Variants in EZH2 observed in about 807,000 individuals in gnomAD.
EZH2 encodes enhancer of zeste 2 polycomb repressive complex 2 subunit.
In EZH2, 18 loss-of-function variants were observed where a neutral mutation model predicts 98.4. That is an observed-to-expected ratio of 0.18 (90% CI 0.13 to 0.27). The LOEUF (loss-of-function observed/expected upper bound fraction) is 0.27, where lower values mean the gene tolerates loss of function less well. Ranked by LOEUF, EZH2 falls within the 10% of genes least tolerant of loss-of-function variation. The pLI is 1.00. For synonymous variants in EZH2, 338 were observed against 312.3 expected, an observed-to-expected ratio of 1.08 and a Z score of -0.87; for missense variants, 470 against 935.1, an observed-to-expected ratio of 0.50 and a Z score of 6.49.
intron 1 of EZH2, among the ~76,000 whole-genome samples, chr7:148,862,746 C>T (rs184821018): frequency 2.6e-5 from 4 of 152,214 alleles, no homozygotes; most frequent in Non-Finnish European, 5.9e-5. Flanking sequence ...ACTGCATGCA[C>T]GCAAGGATCA....
chr7:148,854,583 TA>T (rs753113149), intron 1 of EZH2, among the ~76,000 whole-genome samples: 3 of 152,198 alleles, frequency 2.0e-5, no homozygotes, highest in Non-Finnish European at 4.4e-5. Flanking sequence ...TCAACTAAAT[TA>T]ATAGCAGCAA....
chr7:148,882,017 T>C (rs1278118854), intron 1 of EZH2, among the ~76,000 whole-genome samples: 1 of 150,284 alleles, frequency 6.7e-6, no homozygotes, highest in Non-Finnish European at 1.5e-5. Context: ...TCCTAAAATA[T>C]CCGAATTTCT....
At chr7:148,824,246 C>T (rs959960246) in intron 8 of EZH2, among the ~76,000 whole-genome samples, 9 of 148,810 alleles carry the variant, frequency 6.0e-5, no homozygotes, top group Non-Finnish European at 7.4e-5. Context: ...ATCCAGCAGG[C>T]GGAGGTTGCA....
chr7:148,841,181 C>CTT (rs780466171), intron 3 of EZH2, among the ~76,000 whole-genome samples: 1 of 146,166 alleles, frequency 6.8e-6, no homozygotes, highest in African/African-American at 2.5e-5. Context: ...CACAAATGAC[C>CTT]TTTTTTTTTT....
In EZH2 at chr7:148,810,619, C is replaced by T. The variant is rs1802776365; in HGVS notation, c.1948-205G>A. Among the ~76,000 whole-genome samples the T allele has an allele frequency of 1.3e-5, 2 of 152,176 alleles. 1 individual carries two copies. The highest frequency in any genetic ancestry group is 1.3e-4 in the Admixed American group (2 of 15,280). On this transcript the variant is annotated intron_variant, in intron 16 of 19. Coordinates refer to ENST00000320356, the MANE Select transcript of EZH2 (RefSeq NM_004456.5). Reference sequence around the variant, plus strand: ...AAGGACCCCAACTCAGAAATATTTCCACATCCTGAAGTAATTATCCTTGGA... The same window carrying T: ...AAGGACCCCAACTCAGAAATATTTCTACATCCTGAAGTAATTATCCTTGGA...
chr7:148,814,852 A>C, intron 14 of EZH2, 62 bp downstream of exon 14: 1 of 1,548,666 alleles, frequency 6.5e-7, no homozygotes, highest in African/African-American at 1.4e-5. Context: ...TTGATTTTTT[A>C]AATTGCTAAC....
intron 6 of EZH2, among the ~76,000 whole-genome samples, chr7:148,828,057 G>A (rs115634553): frequency 0.012 from 1,894 of 152,356 alleles, 46 homozygotes; most frequent in African/African-American, 0.043. Flanking sequence ...GGCGAAGCTT[G>A]CAGTAAGCTG....
intron 1 of EZH2, among the ~76,000 whole-genome samples, chr7:148,872,860 G>T (rs1227545687): frequency 6.0e-5 from 9 of 151,248 alleles, no homozygotes; most frequent in Non-Finnish European, 8.8e-5. Flanking sequence ...TAAACTTCCT[G>T]AAGACATCTT....
chr7:148,870,349 C>G lies in EZH2; in HGVS notation c.-8+13815G>C, dbSNP rs147175255. On this transcript the variant is annotated intron_variant, in intron 1 of 19. Transcript: ENST00000320356. ...AATTTTAATATAACACGTTTTAGAT[C>G]AGAATTTTATGAATAAGGATTGCAC... Among the ~76,000 whole-genome samples, 728 of 152,166 alleles carry G rather than the reference C, an allele frequency of 4.8e-3. 9 individuals carry two copies. Among genetic ancestry groups the G allele is most frequent in the African/African-American group, 0.017 (695 of 41,508 alleles).
chr7:148,883,863 C>T (rs2129497005), intron 1 of EZH2, among the ~76,000 whole-genome samples: 1 of 151,808 alleles, frequency 6.6e-6, no homozygotes, highest in Admixed American at 6.6e-5. Flanking sequence ...GCGCCCCGGC[C>T]AGGACAAGCA....
intron 1 of EZH2, among the ~76,000 whole-genome samples, chr7:148,858,689 C>A (rs1052587255): frequency 5.9e-5 from 9 of 151,952 alleles, no homozygotes; most frequent in Admixed American, 1.3e-4. Context: ...CCACACCCAG[C>A]TAATTTTTTT....
Position 148,847,262 on chromosome 7 carries a change from C to T in EZH2, c.37G>A (p.Val13Ile). Residue 13 changes from valine (V) to isoleucine (I), a missense_variant, in exon 2 of 20, where the codon GTT becomes ATT. Around this residue, in one of 6 missense-constraint regions of EZH2, gnomAD observed 79 missense variants for 122.1 expected, o/e 0.65. Transcript: ENST00000320356. ...GATTTTACACGCTTCCGCCAACAAA[C>T]TGGTCCCTTCTCAGATTTCTTCCCA... ...QTGKKSEKGP[V>I]CWRKRVKSEY... is the part of the protein sequence containing the mutation. 6.2e-7 allele frequency: 1 copy of T among 1,614,020 alleles called. No homozygotes were observed.
chr7:148,874,576 G>A (rs1438774160), intron 1 of EZH2, among the ~76,000 whole-genome samples: 4 of 152,110 alleles, frequency 2.6e-5, no homozygotes, highest in African/African-American at 9.7e-5. Flanking sequence ...CCCAATGGAG[G>A]TCCAACAGCT....
chr7:148,833,904 T>A (rs1810136626), intron 3 of EZH2, among the ~76,000 whole-genome samples: 1 of 152,178 alleles, frequency 6.6e-6, no homozygotes, highest in South Asian at 2.1e-4. Flanking sequence ...CCGCTCCTTA[T>A]ATTGCCATGA....
chr7:148,866,689 T>C (rs920808454), intron 1 of EZH2, among the ~76,000 whole-genome samples: 4 of 144,138 alleles, frequency 2.8e-5, no homozygotes, highest in Non-Finnish European at 4.5e-5. Flanking sequence ...TATATGCATA[T>C]ATATATACAT....
chr7:148,835,928 T>C (rs1291231952), intron 3 of EZH2, among the ~76,000 whole-genome samples: 1 of 152,202 alleles, frequency 6.6e-6, no homozygotes, highest in Non-Finnish European at 1.5e-5. Context: ...ATTTTTCCCA[T>C]TAACAGAAAG....
At chr7:148,867,005 T>A (rs1023429568) in intron 1 of EZH2, among the ~76,000 whole-genome samples, 24 of 148,296 alleles carry the variant, frequency 1.6e-4, no homozygotes, top group African/African-American at 5.9e-4. Flanking sequence ...TGAGCCACTG[T>A]GCCTGGCCAA....
intron 1 of EZH2, among the ~76,000 whole-genome samples, chr7:148,866,330 G>A (rs959357597): frequency 6.6e-6 from 1 of 151,676 alleles, no homozygotes; most frequent in African/African-American, 2.4e-5. Flanking sequence ...ATTAGACCAC[G>A]ACGGTTCCTG....
chr7:148,828,691 T>C lies in EZH2; in HGVS notation c.625+49A>G, dbSNP rs909609488. 2.5e-6 allele frequency: 4 copies of C among 1,577,888 alleles called. No individual in the cohort carries two copies. The African/African-American group carries it at 5.5e-5, about 22-fold the overall frequency. ...CCTATTTCTACTCTTTCTACTGTTT[T>C]TGAAAGAAAGCTGTAATGGCTACAC... On this transcript the variant is annotated intron_variant, in intron 6 of 19. Coordinates refer to ENST00000320356, the MANE Select transcript of EZH2 (RefSeq NM_004456.5).
Sources: allele counts gnomAD v4.1 joint callset (sites outside exome capture counted in the v4.1 genomes callset), GRCh38; gene constraint gnomAD v4.1.1; regional missense constraint gnomAD v4.1.1; transcripts MANE v1.5; gene names NCBI Gene and HGNC (gene_info 2026-07-23, HGNC 2026-07-21).